Variants in SPAM1 observed in about 807,000 individuals in gnomAD.
SPAM1 encodes the protein hyaluronidase PH-20.
A neutral mutation model predicts 29.6 loss-of-function variants in SPAM1; 22 were observed. The observed-to-expected ratio is 0.74, with a 90% CI of 0.53 to 1.06. The LOEUF is 1.06. SPAM1 is among the 50% of genes least tolerant of loss of function. The pLI is 0.00. For missense variants in SPAM1, 534 were observed against 604.0 expected, an observed-to-expected ratio of 0.88 and a Z score of 1.21; for synonymous variants, 194 against 204.6, an observed-to-expected ratio of 0.95 and a Z score of 0.44.
rs759911125 is a variant in SPAM1 at position 123,953,822 on chromosome 7, C to T, written c.252C>T (p.Thr84=). Residue 84 remains threonine (T), a synonymous_variant, in exon 3 of 5, where the codon ACC becomes ACT. Transcript: ENST00000682466. ...TAGGAAGCCCCCGAATAAACGCCACCGGGCAAGGTGTTACAATATTTTATG... is the reference window on the plus strand; with the variant it reads ...TAGGAAGCCCCCGAATAAACGCCACTGGGCAAGGTGTTACAATATTTTATG... The part of the protein sequence containing the change: ...SFIGSPRINA[T]GQGVTIFYVD... 29 of 1,612,928 alleles carry T rather than the reference C, an allele frequency of 1.8e-5. 1 individual carries two copies. The highest frequency in any genetic ancestry group is 4.0e-5 in the African/African-American group (3 of 74,842).
chr7:123,952,124 G>T (rs1362228877), intron 2 of SPAM1, among the ~76,000 whole-genome samples: 1 of 152,010 alleles, frequency 6.6e-6, no homozygotes, highest in African/African-American at 2.4e-5. Context: ...ATTATTTTAG[G>T]TGAAGATTAT....
chr7:123,931,878 T>A (rs976249838), intron 1 of SPAM1, among the ~76,000 whole-genome samples: 1 of 152,098 alleles, frequency 6.6e-6, no homozygotes, highest in African/African-American at 2.4e-5. Context: ...TCATCTTTTT[T>A]AAAAAATTGA....
At chr7:123,945,237 T>G (rs1307915405) in intron 1 of SPAM1, among the ~76,000 whole-genome samples, 1 of 152,186 alleles carries the variant, frequency 6.6e-6, no homozygotes, top group African/African-American at 2.4e-5. Context: ...GTTTTATACA[T>G]AACCTTTAAA....
At chr7:123,931,907 G>T (rs1182136460) in intron 1 of SPAM1, among the ~76,000 whole-genome samples, 1 of 152,112 alleles carries the variant, frequency 6.6e-6, no homozygotes, top group Non-Finnish European at 1.5e-5. Flanking sequence ...AGCAAAGTTT[G>T]TCCAAACTCC....
intron 1 of SPAM1, among the ~76,000 whole-genome samples, chr7:123,934,008 A>G (rs1005784721): frequency 7.2e-5 from 11 of 152,162 alleles, no homozygotes; most frequent in African/African-American, 2.4e-4. Context: ...AGACACATGA[A>G]TACCTACCAT....
At chr7:123,942,160 T>A (rs1808449921) in intron 1 of SPAM1, among the ~76,000 whole-genome samples, 1 of 152,218 alleles carries the variant, frequency 6.6e-6, no homozygotes. Context: ...CACAGCTTAA[T>A]TTTTAGTGAT....
chr7:123,970,615 A>G (rs542529459), intron 6 of SPAM1, among the ~76,000 whole-genome samples: 13 of 149,628 alleles, frequency 8.7e-5, no homozygotes, highest in South Asian at 8.4e-4. Context: ...AATAATTATT[A>G]TTATTATTAT....
rs754133079 is a variant in SPAM1, at chr7:123,953,565, T to C, written c.-6T>C. 1 of 1,562,222 alleles carries C rather than the reference T, an allele frequency of 6.4e-7. No homozygotes were observed. Among genetic ancestry groups the C allele is most frequent in the South Asian group, 1.2e-5 (1 of 82,822 alleles). ...ATAAATGTTTTCATAGTCATTACTC[T>C]TTACAATGGGAGTGCTAAAATTCAA... is the stretch of plus-strand genomic sequence containing the variant. On this transcript the variant is annotated 5_prime_UTR_variant, in exon 3 of 5. Coordinates refer to ENST00000682466, the MANE Select transcript of SPAM1 (RefSeq NM_153189.3).
chr7:123,970,957 T>A (rs1313004234), intron 6 of SPAM1: 2 of 152,086 alleles, frequency 1.3e-5, no homozygotes, highest in African/African-American at 4.8e-5. Flanking sequence ...AAAATCCATA[T>A]ATGTTTCTGT....
At position 123,959,974 on chromosome 7, in the gene SPAM1, G is replaced by T. The variant is rs745937175; in HGVS notation, c.*5G>T. On this transcript the variant is annotated 3_prime_UTR_variant, in exon 5 of 5. Transcript: ENST00000682466. The stretch of plus-strand genomic sequence containing the variant: ...TCTTCTGTAGCGAGTTTGTAATTGC[G>T]CAGGTTAGCTGAAATGAACAATATG... 1 of 1,597,556 alleles carries T rather than the reference G, an allele frequency of 6.3e-7. No homozygotes were observed. Among genetic ancestry groups the T allele is most frequent in the Non-Finnish European group, 8.5e-7 (1 of 1,173,988 alleles).
At chr7:123,962,209 A>G (rs988293205), downstream of SPAM1, among the ~76,000 whole-genome samples, 6 of 151,924 alleles carry the variant, frequency 3.9e-5, no homozygotes, top group African/African-American at 1.4e-4. Flanking sequence ...GATAACAGCA[A>G]TTCTAACTGG....
At chr7:123,934,926 A>C (rs1808206777) in intron 1 of SPAM1, among the ~76,000 whole-genome samples, 1 of 152,128 alleles carries the variant, frequency 6.6e-6, no homozygotes. Flanking sequence ...TAGCATTATA[A>C]TTAACAATTT....
chr7:123,950,056 C>T (rs1454998752), intron 2 of SPAM1, 73 bp downstream of exon 2: 2 of 151,610 alleles, frequency 1.3e-5, no homozygotes, highest in South Asian at 2.1e-4. Flanking sequence ...ATTATCTGCA[C>T]AATGAGCAAG....
chr7:123,942,426 T>C (rs567272922), intron 1 of SPAM1, among the ~76,000 whole-genome samples: 1 of 152,364 alleles, frequency 6.6e-6, no homozygotes, highest in East Asian at 1.9e-4. Context: ...ACACATTTTT[T>C]CTTTCTCCAG....
rs1410015310 is a variant in SPAM1, at chr7:123,954,461, A to G, written c.891A>G (p.Pro297=). 1 of 1,613,182 alleles carries G rather than the reference A, an allele frequency of 6.2e-7. No individual in the cohort carries two copies. Among genetic ancestry groups the G allele is most frequent in the Non-Finnish European group, 8.5e-7 (1 of 1,179,530 alleles). The change falls in exon 3 of 5, where the codon CCA becomes CCG. Residue 297 remains proline (P), a synonymous_variant. Coordinates refer to ENST00000682466, the MANE Select transcript of SPAM1 (RefSeq NM_153189.3). ...RVSKIPDAKS[P]LPVFAYTRIV... ...CCAAAATACCTGATGCAAAAAGTCCACTTCCGGTTTTTGCATATACCCGCA... is the reference window on the plus strand; with the variant it reads ...CCAAAATACCTGATGCAAAAAGTCCGCTTCCGGTTTTTGCATATACCCGCA...
intron 5 of SPAM1, among the ~76,000 whole-genome samples, chr7:123,968,025 A>T (rs1001572071): frequency 5.3e-5 from 8 of 152,060 alleles, no homozygotes; most frequent in South Asian, 4.2e-4. Flanking sequence ...AAAGCAAGGA[A>T]CCTAATTTTT....
rs536280610 is a variant in SPAM1, at chr7:123,928,695, T to C, written c.-319+3343T>C. 1.2e-4 allele frequency among the ~76,000 whole-genome samples: 19 copies of C among 152,336 alleles called. No individual in the cohort carries two copies. In the South Asian group the frequency reaches 3.7e-3, roughly 30 times the overall value. On this transcript the variant is annotated intron_variant, in intron 1 of 4. Transcript: ENST00000682466. The stretch of plus-strand genomic sequence containing the variant: ...TCTTCTATTTTAAGGATGGAGGATA[T>C]ACTTCCTCTCTCACAAAGAGGAAAA...
chr7:123,971,223 T>A (rs1453913654), exon 7 of SPAM1: 1 of 152,118 alleles, frequency 6.6e-6, no homozygotes, highest in Non-Finnish European at 1.5e-5. Context: ...TTATATAAGA[T>A]TATAAGAAAA....
chr7:123,944,519 G>T (rs1253600399), intron 1 of SPAM1, among the ~76,000 whole-genome samples: 2 of 152,088 alleles, frequency 1.3e-5, no homozygotes, highest in Non-Finnish European at 2.9e-5. Context: ...AAAGGCAAAA[G>T]AAAAGAACTT....
Sources: allele counts gnomAD v4.1 joint callset (sites outside exome capture counted in the v4.1 genomes callset), GRCh38; gene constraint gnomAD v4.1.1; transcripts MANE v1.5; gene names NCBI Gene and HGNC (gene_info 2026-07-23, HGNC 2026-07-21).